Variants in TTC28 observed in about 807,000 individuals in gnomAD.
TTC28 encodes tetratricopeptide repeat protein 28.
Under a neutral mutation model 198.0 loss-of-function variants are expected in TTC28, and 61 were observed. The observed-to-expected ratio is 0.31, with a 90% CI of 0.25 to 0.38. The LOEUF is 0.38. TTC28 is among the 10% of genes least tolerant of loss of function. The pLI, the probability that TTC28 is intolerant of heterozygous loss-of-function variation, is 1.00. For missense variants in TTC28, 2,678 were observed against 3,164.0 expected, an observed-to-expected ratio of 0.85 and a Z score of 3.69; for synonymous variants, 1,171 against 1,297.8, an observed-to-expected ratio of 0.90 and a Z score of 2.10.
chr22:28,246,769 C>T (rs567953849), intron 5 of TTC28, among the ~76,000 whole-genome samples: 2 of 152,196 alleles, frequency 1.3e-5, no homozygotes, highest in East Asian at 3.9e-4. Context: ...TTCAAAGCTC[C>T]TATTATTCTT....
Position 28,349,180 on chromosome 22 carries a change from C to T in TTC28, c.382-42537G>A, listed in dbSNP as rs545507480. Among the ~76,000 whole-genome samples the T allele has an allele frequency of 5.3e-5, 8 of 152,120 alleles. No individual in the cohort carries two copies. The South Asian group carries it at 8.3e-4, about 16-fold the overall frequency. Reference sequence around the variant, plus strand: ...TCAGTTACACACACATGCATGTGCACGCACACACACACACAGACATGTACA... The same window carrying T: ...TCAGTTACACACACATGCATGTGCATGCACACACACACACAGACATGTACA... On this transcript the variant is annotated intron_variant, in intron 2 of 22. Coordinates refer to ENST00000397906, the MANE Select transcript of TTC28 (RefSeq NM_001145418.2).
At position 28,629,570 on chromosome 22, in the gene TTC28, G is replaced by A. The variant is rs2051136937; in HGVS notation, c.363C>T (p.Leu121=). The A allele has an allele frequency of 1.3e-6, 2 of 1,550,558 alleles. No homozygotes were observed. The highest frequency in any genetic ancestry group is 2.4e-5 in the South Asian group (2 of 83,772). Residue 121 remains leucine, a synonymous_variant, in exon 2 of 23, where the codon CTC becomes CTT. Coordinates refer to ENST00000397906, the MANE Select transcript of TTC28 (RefSeq NM_001145418.2). ...ALDDAIKARL[L]NPKWPKAYFR... is the part of the protein sequence containing the mutation. Reference sequence around the variant, plus strand: ...TTTCTACCTTTGGCCACTTGGGATTGAGAAGTCGAGCTTTGATTGCATCAT... The same window carrying A: ...TTTCTACCTTTGGCCACTTGGGATTAAGAAGTCGAGCTTTGATTGCATCAT...
At chr22:28,634,703 G>A (rs922902261) in intron 1 of TTC28, among the ~76,000 whole-genome samples, 11 of 151,300 alleles carry the variant, frequency 7.3e-5, no homozygotes, top group Non-Finnish European at 1.5e-4. Flanking sequence ...TCCTGCCTCG[G>A]CCTCCTGAGT....
intron 6 of TTC28, among the ~76,000 whole-genome samples, chr22:28,135,198 G>C (rs924972069): frequency 1.3e-4 from 20 of 152,138 alleles, no homozygotes; most frequent in Non-Finnish European, 2.9e-5. Flanking sequence ...CTGCCATCCT[G>C]TTACTACCTT....
chr22:28,058,027 T>C (rs574314349), intron 12 of TTC28, among the ~76,000 whole-genome samples: 8 of 152,266 alleles, frequency 5.3e-5, no homozygotes, highest in African/African-American at 1.2e-4. Flanking sequence ...GTATACATTC[T>C]CCAACTTCAC....
intron 12 of TTC28, among the ~76,000 whole-genome samples, chr22:28,047,885 A>G (rs745730176): frequency 3.9e-5 from 6 of 152,174 alleles, no homozygotes; most frequent in Non-Finnish European, 7.4e-5. Flanking sequence ...CCAGGAAATC[A>G]TATTGCTGGT....
In TTC28 at chr22:28,107,050, G is replaced by A. The variant is rs781126204; in HGVS notation, c.2783+12C>T. 2.0e-6 allele frequency: 3 copies of A among 1,538,396 alleles called. No homozygotes were observed. The African/African-American group carries it at 4.1e-5, about 21-fold the overall frequency. ...AGAACTATAAACCACAATTGTCCTT[G>A]GTCATTTTTACCTGTGTCCATTTCC... On this transcript the variant is annotated intron_variant, in intron 7 of 22. Transcript: ENST00000397906.
intron 13 of TTC28, among the ~76,000 whole-genome samples, chr22:28,023,290 C>T (rs1351403888): frequency 1.3e-5 from 2 of 152,234 alleles, no homozygotes; most frequent in Admixed American, 6.5e-5. Context: ...GTGGCCATCT[C>T]CTCTTTACTG....
intron 2 of TTC28, among the ~76,000 whole-genome samples, chr22:28,393,798 T>A (rs1360088166): frequency 6.6e-6 from 1 of 152,198 alleles, no homozygotes; most frequent in Non-Finnish European, 1.5e-5. Flanking sequence ...AAAGCTTGCA[T>A]ACAAGGCTAA....
intron 1 of TTC28, among the ~76,000 whole-genome samples, chr22:28,632,813 T>C (rs910110776): frequency 2.0e-5 from 3 of 151,858 alleles, no homozygotes; most frequent in African/African-American, 7.3e-5. Flanking sequence ...TATTACAGTA[T>C]TCCCTACTTC....
At chr22:28,417,091 A>T (rs187717753) in intron 2 of TTC28, among the ~76,000 whole-genome samples, 2 of 152,104 alleles carry the variant, frequency 1.3e-5, no homozygotes. Flanking sequence ...ACCTTAGGAA[A>T]AATAATAAAA....
At chr22:28,033,797 T>C (rs1374928075) in intron 12 of TTC28, among the ~76,000 whole-genome samples, 1 of 152,174 alleles carries the variant, frequency 6.6e-6, no homozygotes, top group Non-Finnish European at 1.5e-5. Context: ...CATGTGGTCA[T>C]TAGGCTGCCC....
chr22:28,538,118 C>T (rs1002209319), intron 2 of TTC28, among the ~76,000 whole-genome samples: 4 of 152,042 alleles, frequency 2.6e-5, no homozygotes, highest in African/African-American at 9.7e-5. Flanking sequence ...GAGTGCCTCG[C>T]TCTGTTGCCA....
intron 2 of TTC28, among the ~76,000 whole-genome samples, chr22:28,570,758 T>C (rs959476635): frequency 2.6e-5 from 4 of 152,158 alleles, no homozygotes; most frequent in Admixed American, 2.6e-4. Context: ...TATTTTACAA[T>C]AAAATCAAAA....
intron 2 of TTC28, among the ~76,000 whole-genome samples, chr22:28,346,156 G>A (rs1162587356): frequency 6.6e-6 from 1 of 152,084 alleles, no homozygotes; most frequent in Non-Finnish European, 1.5e-5. Context: ...ATTCAAGAGG[G>A]TAAATAAATT....
intron 6 of TTC28, among the ~76,000 whole-genome samples, chr22:28,118,951 T>G (rs963216857): frequency 2.0e-5 from 3 of 152,200 alleles, no homozygotes; most frequent in Non-Finnish European, 2.9e-5. Flanking sequence ...ATCAAAAAAT[T>G]TTATATCTGT....
At chr22:27,990,057 C>T in intron 20 of TTC28, 50 bp from the exon 21 acceptor site, 5 of 1,530,532 alleles carry the variant, frequency 3.3e-6, no homozygotes, top group South Asian at 1.2e-5. Context: ...TCCCCTCCAG[C>T]CCACCTCAAG....
At chr22:28,531,075 A>T (rs1473448900) in intron 2 of TTC28, among the ~76,000 whole-genome samples, 1 of 152,210 alleles carries the variant, frequency 6.6e-6, no homozygotes, top group Non-Finnish European at 1.5e-5. Flanking sequence ...CCTTAAATGT[A>T]AATGGACTAA....
chr22:28,352,292 C>A (rs2046008298), intron 2 of TTC28, among the ~76,000 whole-genome samples: 1 of 131,338 alleles, frequency 7.6e-6, no homozygotes, highest in African/African-American at 3.0e-5. Flanking sequence ...TTCTAAGAAC[C>A]TATTAGACAG....
Sources: allele counts gnomAD v4.1 joint callset (sites outside exome capture counted in the v4.1 genomes callset), GRCh38; gene constraint gnomAD v4.1.1; transcripts MANE v1.5; gene names NCBI Gene and HGNC (gene_info 2026-07-23, HGNC 2026-07-21).